The following PDK2 variants were observed in gnomAD, a reference collection of about 807,000 sequenced individuals.
PDK2 encodes the protein pyruvate dehydrogenase kinase, isozyme 2.
In PDK2, 34 loss-of-function variants were observed where a neutral mutation model predicts 50.4. The ratio of observed to expected loss-of-function variants is 0.68; its 90% CI spans 0.51 to 0.90. PDK2 has a LOEUF of 0.90. Among genes scored for constraint, PDK2 ranks in the 40% least tolerant of loss-of-function variants. The pLI, the probability that PDK2 is intolerant of heterozygous loss-of-function variation, is 0.00. For synonymous variants in PDK2, 232 were observed against 216.0 expected (o/e 1.07, Z -0.65); for missense variants, 377 against 544.5 (o/e 0.69, Z 3.06).
At position 50,108,632 on chromosome 17, in the gene PDK2, T is replaced by A; in HGVS notation, c.882T>A (p.Gly294=). Residue 294 remains glycine (G), a synonymous_variant, in exon 9 of 11, where the codon GGT becomes GGA. Transcript: ENST00000503176. ...LSIKMSDRGG[G]VPLRKIERLF... is the part of the protein sequence containing the mutation. ...CCCAGATGAGTGACCGAGGTGGGGG[T>A]GTTCCCTTGAGGAAGATTGAGCGAC... The A allele has an allele frequency of 6.2e-7, 1 of 1,611,730 alleles. No individual in the cohort carries two copies. The highest frequency in any genetic ancestry group is 8.5e-7 in the Non-Finnish European group (1 of 1,179,102).
rs2144377988 is a variant in PDK2 at position 50,109,659 on chromosome 17, C to T, written c.1083+259C>T. Among the ~76,000 whole-genome samples the T allele has an allele frequency of 6.6e-6, 1 of 152,276 alleles. No individual in the cohort carries two copies. Among genetic ancestry groups the T allele is most frequent in the Admixed American group, 6.5e-5 (1 of 15,306 alleles). ...CTGGGAACCCTTGACTTGTTAGACCCAGAAGGAAGGGGACACCCTAGGTCT... is the reference window on the plus strand; with the variant it reads ...CTGGGAACCCTTGACTTGTTAGACCTAGAAGGAAGGGGACACCCTAGGTCT... On this transcript the variant is annotated intron_variant, in intron 10 of 10. Coordinates refer to ENST00000503176, the MANE Select transcript of PDK2 (RefSeq NM_002611.5). This position sits in a 1 kb window ranked among gnomAD's most constrained non-coding sequence, Gnocchi z 5.0.
intron 6 of PDK2, chr17:50,107,871 C>G (rs572396084): frequency 3.6e-4 from 164 of 455,962 alleles, no homozygotes; most frequent in Middle Eastern, 2.4e-3. Flanking sequence ...GGAGGTTTCC[C>G]TCTCGCCAGC....
In PDK2 at chr17:50,109,724, C is replaced by T. The variant is rs931473496; in HGVS notation, c.1084-233C>T. 1.3e-5 allele frequency among the ~76,000 whole-genome samples: 2 copies of T among 152,138 alleles called. No homozygotes were observed. Among genetic ancestry groups the T allele is most frequent in the Admixed American group, 6.5e-5 (1 of 15,286 alleles). Reference sequence around the variant, plus strand: ...GAGGAGAAGACTGAGGCCCGGAGTCCGTGACTTGCTCAGGGTCACACAGCC... The same window carrying T: ...GAGGAGAAGACTGAGGCCCGGAGTCTGTGACTTGCTCAGGGTCACACAGCC... On this transcript the variant is annotated intron_variant, in intron 10 of 10. Transcript: ENST00000503176. This position sits in a 1 kb window ranked among gnomAD's most constrained non-coding sequence, Gnocchi z 5.0.
intron 5 of PDK2, 60 bp downstream of exon 5, chr17:50,106,943 C>T (rs1044613228): frequency 6.6e-7 from 1 of 1,523,064 alleles, no homozygotes; most frequent in Non-Finnish European, 9.1e-7. Context: ...TCCAAGCTTA[C>T]CTGGCCAGAG....
chr17:50,108,654 C>T lies in PDK2; in HGVS notation c.904C>T (p.Arg302Ter), dbSNP rs1457643395. The T allele has an allele frequency of 8.7e-6, 14 of 1,613,024 alleles. No individual in the cohort carries two copies. The highest frequency in any genetic ancestry group is 3.3e-5 in the South Asian group (3 of 90,820). The change falls in exon 9 of 11, where the codon CGA becomes TGA. Residue 302 changes from arginine (R) to a stop codon, truncating the protein, a stop_gained. Coordinates refer to ENST00000503176, the MANE Select transcript of PDK2 (RefSeq NM_002611.5). LOFTEE classifies it high-confidence loss of function. ...GGGTGTTCCCTTGAGGAAGATTGAGCGACTCTTCAGCTACATGTACTCCAC... is the reference window on the plus strand; with the variant it reads ...GGGTGTTCCCTTGAGGAAGATTGAGTGACTCTTCAGCTACATGTACTCCAC... ...GGGVPLRKIE[R>*]LFSYMYSTAP...
intron 1 of PDK2, 176 bp downstream of exon 1, chr17:50,095,729 A>T: frequency 7.0e-7 from 1 of 1,423,732 alleles, no homozygotes; most frequent in Non-Finnish European, 9.2e-7. Context: ...GGGCCTCTCG[A>T]CGGGGCTGCT....
At position 50,110,941 on chromosome 17, in the gene PDK2, A is replaced by G. The variant is rs1399344449; in HGVS notation, c.*844A>G. The G allele has an allele frequency of 1.3e-5, 2 of 152,070 alleles. No homozygotes were observed. Among genetic ancestry groups the G allele is most frequent in the Non-Finnish European group, 2.9e-5 (2 of 68,018 alleles). 9.4% of individuals were successfully genotyped at this position (152,070 alleles called of 1,614,324 possible). A position where few individuals can be genotyped will look rare whatever the true frequency, so the allele number is the denominator to read the frequency against. ...TTCTGTGTATATAGTTAGTTTTATA[A>G]CCCTGAATGCCCCCACCCTTCCCCT... On this transcript the variant is annotated 3_prime_UTR_variant, in exon 11 of 11. Transcript: ENST00000503176.
At chr17:50,105,801 C>T (rs1352496435) in intron 3 of PDK2, 84 bp from the exon 4 acceptor site, 10 of 1,508,722 alleles carry the variant, frequency 6.6e-6, no homozygotes, top group Middle Eastern at 2.3e-4. Context: ...AAGGGTAGAG[C>T]GGGTGAAGAC....
At chr17:50,104,128 T>G (rs1355862240) in intron 2 of PDK2, among the ~76,000 whole-genome samples, 1 of 152,138 alleles carries the variant, frequency 6.6e-6, no homozygotes, top group African/African-American at 2.4e-5. Flanking sequence ...CTGGACATGT[T>G]AGCAGGGAAA....
chr17:50,108,819 C>A, intron 9 of PDK2, 100 bp downstream of exon 9: 1 of 732,106 alleles, frequency 1.4e-6, no homozygotes, highest in Non-Finnish European at 2.4e-6. Context: ...GTGTGGCCGT[C>A]TGTGACAGTC....
Position 50,109,380 on chromosome 17 carries a change from G to A in PDK2, c.1063G>A (p.Asp355Asn), listed in dbSNP as rs751060428. ...QLFSMEGFGT[D>N]AVIYLKALST... Reference sequence around the variant, plus strand: ...CTTCTCCATGGAAGGCTTTGGGACCGATGCTGTCATCTATCTCAAGGTGAG... The same window carrying A: ...CTTCTCCATGGAAGGCTTTGGGACCAATGCTGTCATCTATCTCAAGGTGAG... Residue 355 changes from aspartate to asparagine, a missense_variant, in exon 10 of 11, where the codon GAT (aspartate) becomes AAT (asparagine). Physicochemically the swap from Asp to Asn is conservative, Grantham distance 23. Transcript: ENST00000503176. The surrounding 1 kb of genome is among the most constrained non-coding windows in gnomAD (Gnocchi z 5.0). 14 of 1,610,818 alleles carry A rather than the reference G, an allele frequency of 8.7e-6. No individual in the cohort carries two copies. The highest frequency in any genetic ancestry group is 2.7e-5 in the African/African-American group (2 of 74,836).
intron 2 of PDK2, among the ~76,000 whole-genome samples, chr17:50,100,374 A>C (rs919951164): frequency 2.6e-5 from 4 of 152,156 alleles, no homozygotes; most frequent in African/African-American, 7.2e-5. Context: ...GTTTGGCCTC[A>C]GCATGTGTGA....
intron 2 of PDK2, among the ~76,000 whole-genome samples, chr17:50,099,182 T>C (rs1399183616): frequency 6.6e-6 from 1 of 152,062 alleles, no homozygotes; most frequent in African/African-American, 2.4e-5. Flanking sequence ...GTACCATCTG[T>C]TCTCCCTGGC....
At chr17:50,097,329 C>T (rs1910000959) in intron 1 of PDK2, 94 bp from the exon 2 acceptor site, 2 of 1,321,502 alleles carry the variant, frequency 1.5e-6, no homozygotes, top group Non-Finnish European at 2.1e-6. Context: ...CTCTCTGAGC[C>T]CCCTGTTAAT....
Position 50,106,813 on chromosome 17 carries a change from C to T in PDK2, c.537C>T (p.Ser179=). Residue 179 remains serine, a synonymous_variant, in exon 5 of 11, where the codon AGC becomes AGT. Coordinates refer to ENST00000503176, the MANE Select transcript of PDK2 (RefSeq NM_002611.5). ...CTGCAGCCCTCATCTTTGATGGCAG[C>T]ACCAACCCAGCCCATCCCAAACACA... ...INQHTLIFDG[S]TNPAHPKHIG... The T allele has an allele frequency of 6.2e-7, 1 of 1,614,146 alleles. No individual in the cohort carries two copies. Among genetic ancestry groups the T allele is most frequent in the South Asian group, 1.1e-5 (1 of 91,084 alleles).
Position 50,109,839 on chromosome 17 carries a change from G to A in PDK2, c.1084-118G>A. ...GACACAGGAGGGACCACCCTTTTGT[G>A]GTCTTTCCAGGCCCCCGTGTCTGGC... On this transcript the variant is annotated intron_variant, in intron 10 of 10. Transcript: ENST00000503176. The surrounding 1 kb of genome is among the most constrained non-coding windows in gnomAD (Gnocchi z 5.0). The A allele has an allele frequency of 8.7e-7, 1 of 1,153,124 alleles. No homozygotes were observed. The highest frequency in any genetic ancestry group is 2.7e-5 in the East Asian group (1 of 36,938). 71.4% of individuals were successfully genotyped at this position (1,153,124 alleles called of 1,614,324 possible). A position where few individuals can be genotyped will look rare whatever the true frequency, so the allele number is the denominator to read the frequency against.
In PDK2 at chr17:50,097,497, A is replaced by G; in HGVS notation, c.193A>G (p.Met65Val). The G allele has an allele frequency of 5.0e-6, 8 of 1,613,950 alleles. No homozygotes were observed. The highest frequency in any genetic ancestry group is 6.8e-6 in the Non-Finnish European group (8 of 1,179,980). Residue 65 changes from methionine to valine, a missense_variant, in exon 2 of 11, where the codon ATG (methionine) becomes GTG (valine). Around this residue, in one of 3 missense-constraint regions of PDK2, gnomAD observed 100 missense variants for 115.5 expected, o/e 0.87. Coordinates refer to ENST00000503176, the MANE Select transcript of PDK2 (RefSeq NM_002611.5). ...GCTGCCTGTGCGCCTGGCCAACATC[A>G]TGAAAGAGATCAACCTGCTTCCCGA... ...QELPVRLANI[M>V]KEINLLPDRV...
In PDK2 at chr17:50,111,963, G is replaced by GT. The variant is rs1192202763; in HGVS notation, c.*1870dup. ...TCTCGTAGCTGCCGGGGACCCCCAG[G>GT]TTTTGCCTCTCTGCCTGGCTGGGGT... On this transcript the variant is annotated 3_prime_UTR_variant, in exon 11 of 11. Transcript: ENST00000503176. 1 of 152,300 alleles carries GT rather than the reference G, an allele frequency of 6.6e-6. No homozygotes were observed. Among genetic ancestry groups the GT allele is most frequent in the Non-Finnish European group, 1.5e-5 (1 of 68,182 alleles). 9.4% of individuals were successfully genotyped at this position (152,300 alleles called of 1,614,324 possible). A position where few individuals can be genotyped will look rare whatever the true frequency, so the allele number is the denominator to read the frequency against.
intron 1 of PDK2, chr17:50,096,252 G>A (rs1356655187): frequency 3.0e-6 from 3 of 985,348 alleles, no homozygotes; most frequent in African/African-American, 1.7e-5. Flanking sequence ...GAGTCAAGCC[G>A]CCTATACCTC....
Sources: allele counts gnomAD v4.1 joint callset (sites outside exome capture counted in the v4.1 genomes callset), GRCh38; gene constraint gnomAD v4.1.1; regional missense constraint gnomAD v4.1.1; non-coding constraint Gnocchi (gnomAD v3.1); transcripts MANE v1.5; gene names NCBI Gene and HGNC (gene_info 2026-07-23, HGNC 2026-07-21).